CCDC24: variants seen among roughly 807,000 people sequenced by gnomAD.
CCDC24 encodes coiled-coil domain containing 24.
In CCDC24, 34 loss-of-function variants were observed where a neutral mutation model predicts 31.6. The ratio of observed to expected loss-of-function variants is 1.08; its 90% CI spans 0.82 to 1.43. The LOEUF (loss-of-function observed/expected upper bound fraction) is 1.43, where lower values mean the gene tolerates loss of function less well. Ranked by LOEUF, CCDC24 falls within the 40% of genes most tolerant of loss-of-function variation. The pLI, the probability that CCDC24 is intolerant of heterozygous loss-of-function variation, is 0.00. For missense variants in CCDC24, 426 were observed against 391.1 expected, an observed-to-expected ratio of 1.09 and a Z score of -0.75; for synonymous variants, 175 against 157.3, an observed-to-expected ratio of 1.11 and a Z score of -0.84.
Position 43,993,770 on chromosome 1 carries a change from T to C in CCDC24, c.420-117T>C, listed in dbSNP as rs1379915824. 5.3e-6 allele frequency: 5 copies of C among 942,042 alleles called. No individual in the cohort carries two copies. In the Admixed American group the frequency reaches 1.0e-4, roughly 19 times the overall value. 58.4% of individuals were successfully genotyped at this position (942,042 alleles called of 1,614,324 possible). A position where few individuals can be genotyped will look rare whatever the true frequency, so the allele number is the denominator to read the frequency against. On this transcript the variant is annotated intron_variant, in intron 4 of 8. Transcript: ENST00000372318. ...AACCTAGGCTCCCAAACTCTTACTC[T>C]TTGCACTATATTATATTGCCTTTGT...
At chr1:43,992,489 GC>G in intron 3 of CCDC24, 33 bp from the exon 4 acceptor site, 1 of 1,612,812 alleles carries the variant, frequency 6.2e-7, no homozygotes, top group Non-Finnish European at 8.5e-7. Context: ...CCAGAAAGGA[GC>G]CTCTCAGCTT....
rs1397212362 is a variant in CCDC24 at position 43,995,738 on chromosome 1, A to G, written c.623-40A>G. ...CCCACCCCACACTTGTACACACCCT[A>G]GAAGAGCTGGGCACTGTCTCAGCCC... On this transcript the variant is annotated intron_variant, in intron 7 of 8. Coordinates refer to ENST00000372318, the MANE Select transcript of CCDC24 (RefSeq NM_152499.4). The surrounding 1 kb of genome is among the most constrained non-coding windows in gnomAD (Gnocchi z 4.3). The G allele has an allele frequency of 6.2e-7, 1 of 1,613,724 alleles. No individual in the cohort carries two copies.
Position 43,991,742 on chromosome 1 carries a change from C to A in CCDC24, c.-37C>A. The A allele has an allele frequency of 8.8e-7, 1 of 1,141,170 alleles. No homozygotes were observed. The highest frequency in any genetic ancestry group is 1.3e-6 in the Non-Finnish European group (1 of 786,236). 70.7% of individuals were successfully genotyped at this position (1,141,170 alleles called of 1,614,324 possible). A position where few individuals can be genotyped will look rare whatever the true frequency, so the allele number is the denominator to read the frequency against. ...CCAGCCGAGGGGACCAGCGGCAGAG[C>A]ACGGGTGGGGCTTGGGAGAGGGCGG... is the stretch of plus-strand genomic sequence containing the variant. On this transcript the variant is annotated 5_prime_UTR_variant, in exon 1 of 9. Transcript: ENST00000372318.
Position 43,995,597 on chromosome 1 carries a change from G to GC in CCDC24, c.553-3dup. 1 of 1,604,476 alleles carries GC rather than the reference G, an allele frequency of 6.2e-7. No homozygotes were observed. The highest frequency in any genetic ancestry group is 8.5e-7 in the Non-Finnish European group (1 of 1,174,752). On this transcript the variant is annotated splice_region_variant and splice_polypyrimidine_tract_variant and intron_variant, in intron 6 of 8. Coordinates refer to ENST00000372318, the MANE Select transcript of CCDC24 (RefSeq NM_152499.4). This position sits in a 1 kb window ranked among gnomAD's most constrained non-coding sequence, Gnocchi z 4.3. The stretch of plus-strand genomic sequence containing the variant: ...TCTGGGCACTGACGCAGCTCTCCCT[G>GC]CAGCGCTGCCTGGAAGAGGAGTATT...
chr1:43,991,940 G>A lies in CCDC24; in HGVS notation c.62G>A (p.Arg21Gln), dbSNP rs1367509094. 7 of 1,541,086 alleles carry A rather than the reference G, an allele frequency of 4.5e-6. No homozygotes were observed. Among genetic ancestry groups the A allele is most frequent in the Admixed American group, 4.0e-5 (2 of 50,462 alleles). The change falls in exon 2 of 9, where the codon CGA becomes CAA. Residue 21 changes from arginine (R) to glutamine (Q), a missense_variant. By Grantham distance (43) the Arg-to-Gln change is conservative. Transcript: ENST00000372318. ...GAGGAGCACGTTCCGCTCCGGGAGC[G>A]ACGCGAAGTGAAGAGGATTCTGGGG... ...LVEEHVPLRE[R>Q]REVKRILGEA...
At position 43,995,654 on chromosome 1, in the gene CCDC24, G is replaced by A. The variant is rs776071926; in HGVS notation, c.606G>A (p.Leu202=). ...LRPCHPSEAA[L]EPTLAELKEQ... ...CTTGCCACCCCTCTGAGGCAGCCCT[G>A]GAGCCCACCCTGGCAGGTGAGGACA... The change falls in exon 7 of 9, where the codon CTG becomes CTA. Residue 202 remains leucine (L), a synonymous_variant. Coordinates refer to ENST00000372318, the MANE Select transcript of CCDC24 (RefSeq NM_152499.4). The surrounding 1 kb of genome is among the most constrained non-coding windows in gnomAD (Gnocchi z 4.3). 3.3e-5 allele frequency: 54 copies of A among 1,613,296 alleles called. No homozygotes were observed. The highest frequency in any genetic ancestry group is 4.3e-5 in the Non-Finnish European group (51 of 1,179,646).
In CCDC24 at chr1:43,995,661, A is replaced by C. The variant is rs1184534552; in HGVS notation, c.613A>C (p.Thr205Pro). 7 of 1,613,238 alleles carry C rather than the reference A, an allele frequency of 4.3e-6. No individual in the cohort carries two copies. Among genetic ancestry groups the C allele is most frequent in the African/African-American group, 2.7e-5 (2 of 74,886 alleles). Residue 205 changes from threonine to proline, a missense_variant, in exon 7 of 9, where the codon ACC (threonine) becomes CCC (proline). Thr to Pro is a conservative substitution (Grantham distance 38, BLOSUM62 -1). Coordinates refer to ENST00000372318, the MANE Select transcript of CCDC24 (RefSeq NM_152499.4). This position sits in a 1 kb window ranked among gnomAD's most constrained non-coding sequence, Gnocchi z 4.3. ...CHPSEAALEP[T>P]LAELKEQKKA... ...CCCCTCTGAGGCAGCCCTGGAGCCC[A>C]CCCTGGCAGGTGAGGACACGGAGCA...
chr1:43,995,786 G>C lies in CCDC24; in HGVS notation c.631G>C (p.Glu211Gln). The C allele has an allele frequency of 6.2e-7, 1 of 1,614,200 alleles. No homozygotes were observed. Among genetic ancestry groups the C allele is most frequent in the Non-Finnish European group, 8.5e-7 (1 of 1,180,028 alleles). Residue 211 changes from glutamate to glutamine, a missense_variant, in exon 8 of 9, where the codon GAA (glutamate) becomes CAA (glutamine). Glu to Gln is a conservative substitution (Grantham distance 29). Transcript: ENST00000372318. This position sits in a 1 kb window ranked among gnomAD's most constrained non-coding sequence, Gnocchi z 4.3. ...CCCAATCTCTCCTTCAGAGCTAAAG[G>C]AACAGAAGAAGGCCATGGAGCAGGA... ...ALEPTLAELK[E>Q]QKKAMEQELQ...
Position 43,995,888 on chromosome 1 carries a change from G to A in CCDC24, c.701+32G>A, listed in dbSNP as rs80265569. 1.2e-3 allele frequency: 1,906 copies of A among 1,613,966 alleles called. 12 individuals are homozygous for A. In the African/African-American group the frequency reaches 0.02, roughly 17 times the overall value. On this transcript the variant is annotated intron_variant, in intron 8 of 8. Coordinates refer to ENST00000372318, the MANE Select transcript of CCDC24 (RefSeq NM_152499.4). This position sits in a 1 kb window ranked among gnomAD's most constrained non-coding sequence, Gnocchi z 4.3. Reference sequence around the variant, plus strand: ...CACAACAGTAGACACAGGGCAGGGTGGACTGAAGGATCAGACCACCACCCC... The same window carrying A: ...CACAACAGTAGACACAGGGCAGGGTAGACTGAAGGATCAGACCACCACCCC...
chr1:43,996,277 A>AC lies in CCDC24; in HGVS notation c.*121dup, dbSNP rs2154303841. The AC allele has an allele frequency of 1.0e-6, 1 of 956,804 alleles. No individual in the cohort carries two copies. Among genetic ancestry groups the AC allele is most frequent in the South Asian group, 1.8e-5 (1 of 56,836 alleles). 59.3% of individuals were successfully genotyped at this position (956,804 alleles called of 1,614,324 possible). On this transcript the variant is annotated 3_prime_UTR_variant, in exon 9 of 9. Transcript: ENST00000372318. ...CTGGTCTTGGCGAGCTCTCGCCAGG[A>AC]CCCCAAGGCTGTTGGTCTGTCTGGC...
At chr1:43,992,096 T>C in intron 2 of CCDC24, 92 bp downstream of exon 2, 1 of 1,502,280 alleles carries the variant, frequency 6.7e-7, no homozygotes, top group Non-Finnish European at 8.9e-7. Flanking sequence ...GCCGGGTAAC[T>C]CCCGAGATCC....
rs756591282 is a variant in CCDC24, at chr1:43,996,013, C to T, written c.777C>T (p.Cys259=). ...LPLCGVAPLQ[C]CLPAPPLEPY... is the part of the protein sequence containing the mutation. ...TCTGCGGGGTTGCACCTCTCCAGTG[C>T]TGCCTGCCTGCACCTCCTCTGGAGC... The change falls in exon 9 of 9, where the codon TGC becomes TGT. Residue 259 remains cysteine, a synonymous_variant. Transcript: ENST00000372318. 17 of 1,614,082 alleles carry T rather than the reference C, an allele frequency of 1.1e-5. No individual in the cohort carries two copies. Among genetic ancestry groups the T allele is most frequent in the African/African-American group, 4.0e-5 (3 of 74,946 alleles).
Position 43,991,954 on chromosome 1 carries a change from A to G in CCDC24, c.76A>G (p.Arg26Gly). ...GCTCCGGGAGCGACGCGAAGTGAAG[A>G]GGATTCTGGGGGAGGCGGCGGTGGA... ...VPLRERREVK[R>G]ILGEAAVDLS... Residue 26 changes from arginine to glycine, a missense_variant, in exon 2 of 9, where the codon AGG becomes GGG. Arg to Gly is a moderately radical substitution (Grantham distance 125). Transcript: ENST00000372318. The G allele has an allele frequency of 6.5e-7, 1 of 1,537,120 alleles. No individual in the cohort carries two copies. Among genetic ancestry groups the G allele is most frequent in the Non-Finnish European group, 8.8e-7 (1 of 1,137,872 alleles).
chr1:43,991,619 G>A lies in CCDC24; in HGVS notation c.-160G>A. 1.4e-6 allele frequency: 1 copy of A among 703,428 alleles called. No individual in the cohort carries two copies. The highest frequency in any genetic ancestry group is 2.6e-6 in the Non-Finnish European group (1 of 386,112). The allele number at this position is 703,428 out of a possible 1,614,324, so 43.6% of individuals were successfully genotyped here. ...GCGGAAGAGGTGGGGCTAGGGCCCT[G>A]GTTCCCACTGCCTGGTTTCTGGGCC... On this transcript the variant is annotated 5_prime_UTR_variant, in exon 1 of 9. Coordinates refer to ENST00000372318, the MANE Select transcript of CCDC24 (RefSeq NM_152499.4).
chr1:43,993,069 C>T (rs2085774387), intron 4 of CCDC24, among the ~76,000 whole-genome samples: 1 of 152,128 alleles, frequency 6.6e-6, no homozygotes, highest in African/African-American at 2.4e-5. Flanking sequence ...ATAAAATATT[C>T]ATAAGTGGAT....
Position 43,995,042 on chromosome 1 carries a change from G to A in CCDC24, c.498-66G>A, listed in dbSNP as rs148866403. 8,803 of 1,471,218 alleles carry A rather than the reference G, an allele frequency of 6.0e-3. 33 individuals are homozygous for A. The highest frequency in any genetic ancestry group is 7.3e-3 in the Non-Finnish European group (7,807 of 1,076,130). 91.1% of individuals were successfully genotyped at this position (1,471,218 alleles called of 1,614,324 possible). On this transcript the variant is annotated intron_variant, in intron 5 of 8. Transcript: ENST00000372318. The surrounding 1 kb of genome is among the most constrained non-coding windows in gnomAD (Gnocchi z 4.3). ...TGCTGAGGCTGGAGGTTGGGGCCATGTGGTGGACTCAGCTGAGCCCTGGTC... is the reference window on the plus strand; with the variant it reads ...TGCTGAGGCTGGAGGTTGGGGCCATATGGTGGACTCAGCTGAGCCCTGGTC...
intron 5 of CCDC24, chr1:43,994,335 A>C (rs2085792292): frequency 8.7e-6 from 2 of 229,916 alleles, no homozygotes; most frequent in East Asian, 9.1e-5. Context: ...TGTACCAGTT[A>C]CTTGGGAGGC....
At position 43,992,015 on chromosome 1, in the gene CCDC24, G is replaced by C. The variant is rs2085753361; in HGVS notation, c.126+11G>C. ...GAGCTGCGGGCGGAGGTGGGGAGAGGGAAGGTGGGCCACGCCCCTGGCCTG... is the reference window on the plus strand; with the variant it reads ...GAGCTGCGGGCGGAGGTGGGGAGAGCGAAGGTGGGCCACGCCCCTGGCCTG... On this transcript the variant is annotated intron_variant, in intron 2 of 8. Coordinates refer to ENST00000372318, the MANE Select transcript of CCDC24 (RefSeq NM_152499.4). 1 of 1,491,756 alleles carries C rather than the reference G, an allele frequency of 6.7e-7. No homozygotes were observed. Among genetic ancestry groups the C allele is most frequent in the South Asian group, 1.3e-5 (1 of 75,782 alleles). The allele number at this position is 1,491,756 out of a possible 1,614,324, so 92.4% of individuals were successfully genotyped here. A position where few individuals can be genotyped will look rare whatever the true frequency, so the allele number is the denominator to read the frequency against.
chr1:43,992,889 T>C (rs1216850877), intron 4 of CCDC24, among the ~76,000 whole-genome samples: 4 of 152,142 alleles, frequency 2.6e-5, no homozygotes, highest in Non-Finnish European at 5.9e-5. Flanking sequence ...AGGAGCAGTT[T>C]TCAGGGAGAT....
Sources: gnomAD v4.1 joint callset for allele counts (sites outside exome capture counted in the v4.1 genomes callset) on GRCh38, gnomAD v4.1.1 for gene constraint, Gnocchi (gnomAD v3.1) non-coding constraint, MANE v1.5 for transcripts, NCBI Gene and HGNC (gene_info 2026-07-23, HGNC 2026-07-21) for gene names.